HMCN2: variants seen among roughly 807,000 people sequenced by gnomAD.
HMCN2 encodes the protein hemicentin 2.
A neutral mutation model predicts 377.5 loss-of-function variants in HMCN2; 325 were observed. That is an observed-to-expected ratio of 0.86 (90% confidence interval 0.79 to 0.94). The LOEUF (loss-of-function observed/expected upper bound fraction) is 0.94, where lower values mean the gene tolerates loss of function less well. Ranked by LOEUF, HMCN2 falls within the 40% of genes least tolerant of loss-of-function variation. The pLI is 0.00. For synonymous variants in HMCN2, 2,007 were observed against 2,046.8 expected, an observed-to-expected ratio of 0.98 and a Z score of 0.53; for missense variants, 4,543 against 4,725.3, an observed-to-expected ratio of 0.96 and a Z score of 1.13.
chr9:130,363,944 A>C (rs1294916688), intron 40 of HMCN2, among the ~76,000 whole-genome samples: 1 of 149,956 alleles, frequency 6.7e-6, no homozygotes, highest in Non-Finnish European at 1.5e-5. Flanking sequence ...GAAGGAAGGA[A>C]AGAGAAAGAA....
rs145522264 is a variant in HMCN2 at position 130,282,265 on chromosome 9, C to T, written c.260-2338C>T. On this transcript the variant is annotated intron_variant, in intron 1 of 97. Transcript: ENST00000683500. Reference sequence around the variant, plus strand: ...TCCATGCCAAGCTGCGTGCTAAGCTCTGTGCCAGGGGTTTAGCTACCTGGT... The same window carrying T: ...TCCATGCCAAGCTGCGTGCTAAGCTTTGTGCCAGGGGTTTAGCTACCTGGT... Among the ~76,000 whole-genome samples, 126 of 152,322 alleles carry T rather than the reference C, an allele frequency of 8.3e-4. 1 individual carries two copies. The highest frequency in any genetic ancestry group is 3.0e-3 in the African/African-American group (125 of 41,582).
chr9:130,418,591 A>C (rs990816837), intron 85 of HMCN2, among the ~76,000 whole-genome samples, 181 bp from the exon 86 acceptor site: 4 of 152,338 alleles, frequency 2.6e-5, no homozygotes, highest in South Asian at 2.1e-4. Context: ...TCATATTTTC[A>C]TAAAGAAACA....
At chr9:130,415,265 T>C (rs1160697849) in intron 85 of HMCN2, among the ~76,000 whole-genome samples, 1 of 152,136 alleles carries the variant, frequency 6.6e-6, no homozygotes, top group African/African-American at 2.4e-5. Flanking sequence ...CAAGGAAAAA[T>C]CTCAGCTTGA....
At chr9:130,350,505 T>C (rs71481366) in intron 29 of HMCN2, among the ~76,000 whole-genome samples, 95,895 of 149,468 alleles carry the variant, frequency 0.64, 31,825 homozygotes, top group Admixed American at 0.74. Context: ...TGCAGTGAGC[T>C]GAGATCAAGC....
chr9:130,391,029 C>G lies in HMCN2; in HGVS notation c.9576C>G (p.Ser3192Arg). ...CCCGGGGGGGCCGCCTCCAGCTGAG[C>G]CGCCTGCAACCGGCCCAGGCGGGCA... ...VVSRGGRLQL[S>R]RLQPAQAGTY... Residue 3192 changes from serine to arginine, a missense_variant, in exon 63 of 98, where the codon AGC (serine) becomes AGG (arginine). Coordinates refer to ENST00000683500, the MANE Select transcript of HMCN2 (RefSeq NM_001291815.2). 1 of 987,710 alleles carries G rather than the reference C, an allele frequency of 1.0e-6. No homozygotes were observed. The highest frequency in any genetic ancestry group is 1.2e-6 in the Non-Finnish European group (1 of 830,268). 61.2% of individuals were successfully genotyped at this position (987,710 alleles called of 1,614,324 possible). A position where few individuals can be genotyped will look rare whatever the true frequency, so the allele number is the denominator to read the frequency against.
At chr9:130,415,847 G>A (rs373039011) in intron 85 of HMCN2, among the ~76,000 whole-genome samples, 36 of 152,250 alleles carry the variant, frequency 2.4e-4, no homozygotes, top group East Asian at 2.3e-3. Context: ...GGGCCATGCC[G>A]CAGGCCAGCA....
Position 130,299,103 on chromosome 9 carries a change from G to C in HMCN2, c.1091G>C (p.Ser364Thr), listed in dbSNP as rs1554933240. ...CTAGACTCGGTGGAGCTGGCACAAAGCTCAGGGAAGCCCCTCCTGACTCTG... is the reference window on the plus strand; with the variant it reads ...CTAGACTCGGTGGAGCTGGCACAAACCTCAGGGAAGCCCCTCCTGACTCTG... ...GRLDSVELAQSSGKPLLTLPT... is the reference protein window; with the variant it reads ...GRLDSVELAQTSGKPLLTLPT... Residue 364 changes from serine to threonine, a missense_variant, in exon 8 of 98, where the codon AGC (serine) becomes ACC (threonine). Coordinates refer to ENST00000683500, the MANE Select transcript of HMCN2 (RefSeq NM_001291815.2). The C allele has an allele frequency of 4.2e-6, 2 of 471,148 alleles. No individual in the cohort carries two copies. The highest frequency in any genetic ancestry group is 8.8e-6 in the Non-Finnish European group (2 of 227,022). The allele number at this position is 471,148 out of a possible 1,614,324, so 29.2% of individuals were successfully genotyped here. A position where few individuals can be genotyped will look rare whatever the true frequency, so the allele number is the denominator to read the frequency against.
At chr9:130,341,422 GATT>G (rs1332427805) in intron 24 of HMCN2, 57 bp downstream of exon 24, 5 of 152,326 alleles carry the variant, frequency 3.3e-5, no homozygotes, top group Non-Finnish European at 5.9e-5. Flanking sequence ...CCACAGCCTG[GATT>G]TGGGAGGTGC....
chr9:130,415,600 A>C (rs1588426215), intron 85 of HMCN2, among the ~76,000 whole-genome samples: 1 of 152,228 alleles, frequency 6.6e-6, no homozygotes, highest in Middle Eastern at 3.4e-3. Flanking sequence ...TGCTTGAAAC[A>C]AGTGAAAAAA....
chr9:130,432,613 T>G, intron 97 of HMCN2, 58 bp downstream of exon 97: 1 of 1,520,740 alleles, frequency 6.6e-7, no homozygotes, highest in East Asian at 2.5e-5. Context: ...TTTCAGTCAC[T>G]GGGGGTGCAG....
At position 130,360,548 on chromosome 9, in the gene HMCN2, G is replaced by C; in HGVS notation, c.5894G>C (p.Cys1965Ser). The change falls in exon 38 of 98, where the codon TGT becomes TCT. Residue 1965 changes from cysteine (C) to serine (S), a missense_variant. By Grantham distance (112) the Cys-to-Ser change is moderately radical. Around this residue, in one of 5 missense-constraint regions of HMCN2, gnomAD observed 1,032 missense variants for 1,285.1 expected, o/e 0.80. Coordinates refer to ENST00000683500, the MANE Select transcript of HMCN2 (RefSeq NM_001291815.2). This position sits in a 1 kb window ranked among gnomAD's most constrained non-coding sequence, Gnocchi z 4.7. The part of the protein sequence containing the change: ...AQLSDAGSYR[C>S]VASNVAGSTE... ...CTTTCTGATGCTGGGAGCTACCGCT[G>C]TGTGGCATCCAATGTGGCAGGTAGC... The C allele has an allele frequency of 1.5e-6, 2 of 1,304,244 alleles. No individual in the cohort carries two copies. Among genetic ancestry groups the C allele is most frequent in the Non-Finnish European group, 2.0e-6 (2 of 988,920 alleles). 80.8% of individuals were successfully genotyped at this position (1,304,244 alleles called of 1,614,324 possible).
intron 74 of HMCN2, among the ~76,000 whole-genome samples, 193 bp downstream of exon 74, chr9:130,397,848 G>T (rs1283024073): frequency 6.6e-6 from 1 of 152,078 alleles, no homozygotes; most frequent in African/African-American, 2.4e-5. Flanking sequence ...CATATATTAC[G>T]TAACAGAACA....
At chr9:130,293,397 G>A (rs149870553) in intron 4 of HMCN2, among the ~76,000 whole-genome samples, 38 of 149,022 alleles carry the variant, frequency 2.5e-4, no homozygotes, top group African/African-American at 7.7e-4. Context: ...TTGTGGTACC[G>A]ATTTTATGGT....
rs973301260 is a variant in HMCN2, at chr9:130,278,770, G to A, written c.260-5833G>A. Among the ~76,000 whole-genome samples, 2 of 150,744 alleles carry A rather than the reference G, an allele frequency of 1.3e-5. 1 individual carries two copies. Among genetic ancestry groups the A allele is most frequent in the South Asian group, 4.2e-4 (2 of 4,748 alleles). On this transcript the variant is annotated intron_variant, in intron 1 of 97. Coordinates refer to ENST00000683500, the MANE Select transcript of HMCN2 (RefSeq NM_001291815.2). ...GCTAATTTTGTATTTTAGTAGAGAC[G>A]GGGTTTCTCCATGTTGGTCAGGCTG...
chr9:130,281,307 C>T (rs1436257777), intron 1 of HMCN2, among the ~76,000 whole-genome samples: 5 of 152,050 alleles, frequency 3.3e-5, no homozygotes, highest in African/African-American at 9.7e-5. Context: ...TGGGCTTCCA[C>T]GTTCTCCTCT....
chr9:130,307,260 C>G (rs137911611), intron 13 of HMCN2, among the ~76,000 whole-genome samples, 193 bp from the exon 14 acceptor site: 2,279 of 152,120 alleles, frequency 0.015, 25 homozygotes, highest in Non-Finnish European at 0.022. Context: ...TGACCCTTGC[C>G]TTAGGGTCAC....
At chr9:130,279,262 C>T (rs1554924767) in intron 1 of HMCN2, among the ~76,000 whole-genome samples, 3 of 152,156 alleles carry the variant, frequency 2.0e-5, no homozygotes, top group East Asian at 1.9e-4. Flanking sequence ...CAGATCTTCC[C>T]CCCTGACATG....
rs539168188 is a variant in HMCN2, at chr9:130,391,505, G to C, written c.9883G>C (p.Gly3295Arg). 4.0e-6 allele frequency: 4 copies of C among 987,870 alleles called. No homozygotes were observed. The Admixed American group carries it at 2.5e-4, about 61-fold the overall frequency. 61.2% of individuals were successfully genotyped at this position (987,870 alleles called of 1,614,324 possible). A position where few individuals can be genotyped will look rare whatever the true frequency, so the allele number is the denominator to read the frequency against. Residue 3295 changes from glycine to arginine, a missense_variant, in exon 65 of 98, where the codon GGT becomes CGT. Coordinates refer to ENST00000683500, the MANE Select transcript of HMCN2 (RefSeq NM_001291815.2). ...VLKGLRASDA[G>R]AYTCVAHNPA... The stretch of plus-strand genomic sequence containing the variant: ...AAAAGGCCTGAGGGCCTCGGACGCG[G>C]GTGCCTACACCTGCGTGGCCCACAA...
intron 85 of HMCN2, among the ~76,000 whole-genome samples, chr9:130,416,891 A>G (rs1185344986): frequency 6.6e-6 from 1 of 151,474 alleles, no homozygotes; most frequent in Non-Finnish European, 1.5e-5. Context: ...AGGCCCCTAA[A>G]TGCTATCACA....
Sources: gnomAD v4.1 joint callset for allele counts (sites outside exome capture counted in the v4.1 genomes callset) on GRCh38, gnomAD v4.1.1 for gene constraint, gnomAD v4.1.1 regional missense constraint, Gnocchi (gnomAD v3.1) non-coding constraint, MANE v1.5 for transcripts, NCBI Gene and HGNC (gene_info 2026-07-23, HGNC 2026-07-21) for gene names.